Variants in PHF8 observed in about 807,000 individuals in gnomAD.
PHF8 encodes the protein PHD finger protein 8.
A neutral mutation model predicts 74.4 loss-of-function variants in PHF8; 9 were observed. The ratio of observed to expected loss-of-function variants is 0.12; its 90% confidence interval spans 0.07 to 0.21. PHF8 has a LOEUF of 0.21. Among genes scored for constraint, PHF8 ranks in the 10% least tolerant of loss-of-function variants. The probability of loss-of-function intolerance (pLI) is 1.00; values close to 1 mark genes in which losing one functional copy is unlikely to be tolerated. For synonymous variants in PHF8, 311 were observed against 316.6 expected, an observed-to-expected ratio of 0.98 and a Z score of 0.19; for missense variants, 478 against 816.6, an observed-to-expected ratio of 0.59 and a Z score of 5.05.
intron 2 of PHF8, among the ~76,000 whole-genome samples, chrX:54,034,163 A>C (rs1476283153): frequency 9.0e-6 from 1 of 110,675 alleles, no homozygotes; most frequent in Non-Finnish European, 1.9e-5. Context: ...AACAGATTGG[A>C]AAAAAAATGA....
At chrX:54,002,535 A>G in intron 9 of PHF8, 60 bp downstream of exon 9, 1 of 734,739 alleles carries the variant, frequency 1.4e-6, no homozygotes, top group Non-Finnish European at 2.2e-6. Flanking sequence ...TCTACATTAT[A>G]CTCCTCACTC....
chrX:54,016,165 G>A (rs2066064877), intron 6 of PHF8, among the ~76,000 whole-genome samples: 1 of 111,509 alleles, frequency 9.0e-6, no homozygotes, highest in African/African-American at 3.3e-5. Context: ...AACCCAGCTC[G>A]CCATCCCAAA....
In PHF8 at chrX:54,044,182, A is replaced by G; in HGVS notation, c.-513T>C. 1.3e-6 allele frequency: 1 copy of G among 754,911 alleles called. No individual in the cohort carries two copies. Among genetic ancestry groups the G allele is most frequent in the Non-Finnish European group, 1.6e-6 (1 of 639,448 alleles). The allele number at this position is 754,911 out of a possible 1,213,427, so 62.2% of individuals were successfully genotyped here. ...GCCTAGTCTGGCGGCCGCCCGGCGA[A>G]CGGGCAAGTGGCGTCGTCGCTGGGC... On this transcript the variant is annotated 5_prime_UTR_variant, in exon 1 of 22. Coordinates refer to ENST00000338154, the MANE Select transcript of PHF8 (RefSeq NM_015107.3).
intron 20 of PHF8, chrX:53,943,158 C>T: frequency 4.7e-6 from 4 of 858,857 alleles, no homozygotes; most frequent in Non-Finnish European, 5.9e-6. Flanking sequence ...ACAGTAGAAC[C>T]CCCTTTTTCA....
chrX:53,975,439 T>C (rs1446090487), intron 18 of PHF8, among the ~76,000 whole-genome samples: 3 of 112,361 alleles, frequency 2.7e-5, no homozygotes, highest in Admixed American at 1.9e-4. Context: ...TGCAATACTA[T>C]TCACAATAGC....
At chrX:53,961,542 G>A (rs1337233567) in intron 19 of PHF8, among the ~76,000 whole-genome samples, 1 of 110,964 alleles carries the variant, frequency 9.0e-6, no homozygotes, top group Non-Finnish European at 1.9e-5. Flanking sequence ...GGTCAGGCTG[G>A]TCCTGACCTC....
Position 53,987,942 on chromosome X carries a change from G to C in PHF8, c.1733C>G (p.Thr578Arg). 1 of 1,196,639 alleles carries C rather than the reference G, an allele frequency of 8.4e-7. No individual in the cohort carries two copies. Among genetic ancestry groups the C allele is most frequent in the Non-Finnish European group, 1.1e-6 (1 of 884,948 alleles). Residue 578 changes from threonine (T) to arginine (R), a missense_variant and splice_region_variant, in exon 15 of 22, where the codon ACG (threonine) becomes AGG (arginine). By Grantham distance (71) the Thr-to-Arg change is moderately conservative (BLOSUM62 -1). Around this residue, in one of 9 missense-constraint regions of PHF8, gnomAD observed 153 missense variants for 164.8 expected, o/e 0.93. Transcript: ENST00000338154. The part of the protein sequence containing the change: ...PLALLMSNGS[T>R]KRVKSLSKSR... ...TTTGGATAAACTCTTCACCCTTTTC[G>C]TACTGAAGGGAAGGAGAACATAAAA...
At chrX:53,999,438 G>C (rs911674143) in intron 11 of PHF8, 2 of 142,094 alleles carry the variant, frequency 1.4e-5, no homozygotes, top group Admixed American at 7.8e-5. Context: ...GTTTTAGGGA[G>C]GCAAAAGTTA....
intron 20 of PHF8, among the ~76,000 whole-genome samples, chrX:53,942,033 T>G (rs940080166): frequency 1.6e-4 from 18 of 111,684 alleles, no homozygotes; most frequent in African/African-American, 5.9e-4. Flanking sequence ...TAGCCTAAAT[T>G]TTGCTACCTT....
Position 53,940,467 on chromosome X carries a change from A to C in PHF8, c.2699T>G (p.Leu900Arg). ...AGGGCGAGGCTGTTCTACCTCCTTC[A>C]GCAAAGGCTTCTTCTTGATATATTT... ...KKKYIKKKPLLKEVEQPRPQD... is the reference protein window; with the variant it reads ...KKKYIKKKPLRKEVEQPRPQD... The change falls in exon 21 of 22, where the codon CTG (leucine) becomes CGG (arginine). Residue 900 changes from leucine (L) to arginine (R), a missense_variant. Transcript: ENST00000338154. 1 of 1,209,570 alleles carries C rather than the reference A, an allele frequency of 8.3e-7. No homozygotes were observed. Among genetic ancestry groups the C allele is most frequent in the Non-Finnish European group, 1.1e-6 (1 of 893,971 alleles).
chrX:53,991,482 G>A (rs888409100), intron 14 of PHF8, among the ~76,000 whole-genome samples: 3 of 108,399 alleles, frequency 2.8e-5, no homozygotes, highest in African/African-American at 1.0e-4. Flanking sequence ...GCCAACATGC[G>A]GAAACCCTGT....
intron 2 of PHF8, among the ~76,000 whole-genome samples, chrX:54,032,012 C>G (rs1557112705): frequency 9.1e-6 from 1 of 110,447 alleles, no homozygotes; most frequent in African/African-American, 3.3e-5. Flanking sequence ...TCTACAGTAG[C>G]CCCGAAATTC....
At chrX:53,959,382 C>A (rs1175603778) in intron 19 of PHF8, among the ~76,000 whole-genome samples, 1 of 111,578 alleles carries the variant, frequency 9.0e-6, no homozygotes, top group East Asian at 2.8e-4. Flanking sequence ...GGCAAATGTC[C>A]TTCTAGATTC....
chrX:54,017,708 G>A lies in PHF8; in HGVS notation c.407C>T (p.Thr136Met), dbSNP rs782170063. The A allele has an allele frequency of 4.1e-6, 5 of 1,206,448 alleles. No homozygotes were observed. Among genetic ancestry groups the A allele is most frequent in the South Asian group, 3.5e-5 (2 of 56,737 alleles). The change falls in exon 5 of 22, where the codon ACG becomes ATG. Residue 136 changes from threonine to methionine, a missense_variant. Transcript: ENST00000338154. ...CACAGTGAATGATGGCGAGGGCAGC[G>A]TCATGCCCAACCCATCCTTCTTCAG... Reference protein sequence around the residue: ...LVLKKDGLGMTLPSPSFTVRD... With the variant: ...LVLKKDGLGMMLPSPSFTVRD...
chrX:54,036,588 A>C (rs1287905646), intron 2 of PHF8, among the ~76,000 whole-genome samples: 13 of 105,718 alleles, frequency 1.2e-4, no homozygotes, highest in East Asian at 5.7e-4. Flanking sequence ...AAAAAAAAAA[A>C]AAAAAAAAAA....
intron 19 of PHF8, among the ~76,000 whole-genome samples, chrX:53,950,767 A>C (rs1557086698): frequency 8.9e-6 from 1 of 112,881 alleles, no homozygotes; most frequent in African/African-American, 3.2e-5. Context: ...CCACTAAACA[A>C]AACACAACTA....
chrX:54,044,330 G>C lies in PHF8; in HGVS notation c.-661C>G, dbSNP rs917044100. On this transcript the variant is annotated 5_prime_UTR_variant, in exon 1 of 22. Transcript: ENST00000338154. ...TGGCGGTGGTAGGCAATTCGGAGTAGTCAATAAAGTTTATTCAAAACAATG... is the reference window on the plus strand; with the variant it reads ...TGGCGGTGGTAGGCAATTCGGAGTACTCAATAAAGTTTATTCAAAACAATG... 1 of 753,575 alleles carries C rather than the reference G, an allele frequency of 1.3e-6. No individual in the cohort carries two copies. The highest frequency in any genetic ancestry group is 1.6e-6 in the Non-Finnish European group (1 of 638,068). 62.1% of individuals were successfully genotyped at this position (753,575 alleles called of 1,213,427 possible). A position where few individuals can be genotyped will look rare whatever the true frequency, so the allele number is the denominator to read the frequency against.
At chrX:53,949,785 C>G (rs2064892361) in intron 19 of PHF8, among the ~76,000 whole-genome samples, 1 of 87,046 alleles carries the variant, frequency 1.1e-5, no homozygotes, top group African/African-American at 4.7e-5. Flanking sequence ...GCACTCCAGC[C>G]TGGGTGACAG....
intron 2 of PHF8, among the ~76,000 whole-genome samples, chrX:54,036,051 C>T (rs782110540): frequency 1.0e-5 from 1 of 98,209 alleles, no homozygotes; most frequent in Non-Finnish European, 2.0e-5. Flanking sequence ...CCGGAGGTTG[C>T]GGTGAGCCAA....
Sources: allele counts gnomAD v4.1 joint callset (sites outside exome capture counted in the v4.1 genomes callset), GRCh38; gene constraint gnomAD v4.1.1; regional missense constraint gnomAD v4.1.1; transcripts MANE v1.5; gene names NCBI Gene and HGNC (gene_info 2026-07-23, HGNC 2026-07-21).